PSG3: variants seen among roughly 807,000 people sequenced by gnomAD.
The protein encoded by PSG3 is pregnancy specific beta-1-glycoprotein 3.
Under a neutral mutation model 47.5 loss-of-function variants are expected in PSG3, and 61 were observed. That is an observed-to-expected ratio of 1.28 (90% confidence interval 1.05 to 1.59). PSG3 has a LOEUF of 1.59. Among genes scored for constraint, PSG3 ranks in the 40% most tolerant of loss-of-function variants. The pLI, the probability that PSG3 is intolerant of heterozygous loss-of-function variation, is 0.00. For synonymous variants in PSG3, 263 were observed against 198.4 expected, an observed-to-expected ratio of 1.33 and a Z score of -2.74; for missense variants, 756 against 524.0, an observed-to-expected ratio of 1.44 and a Z score of -4.32.
chr19:42,740,006 G>T (rs188541352), intron 1 of PSG3, among the ~76,000 whole-genome samples: 157 of 150,986 alleles, frequency 1.0e-3, no homozygotes, highest in African/African-American at 3.3e-3. Flanking sequence ...AGGCTGGCGT[G>T]CAGTGGCACT....
Position 42,732,815 on chromosome 19 carries a change from G to C in PSG3, c.678C>G (p.Ser226Arg). 6.2e-7 allele frequency: 1 copy of C among 1,614,186 alleles called. No individual in the cohort carries two copies. Among genetic ancestry groups the C allele is most frequent in the Middle Eastern group, 1.6e-4 (1 of 6,062 alleles). ...GATTCAGGGTGACTGGGTCACTGCG[G>C]CTGGCACTCACTGGGTTCCGTATTT... ...ECEIRNPVSA[S>R]RSDPVTLNLL... Residue 226 changes from serine (S) to arginine (R), a missense_variant, in exon 3 of 7, where the codon AGC becomes AGG. Coordinates refer to ENST00000327495, the MANE Select transcript of PSG3 (RefSeq NM_021016.4).
At chr19:42,739,168 G>C in intron 1 of PSG3, 79 bp from the exon 2 acceptor site, 1 of 1,490,236 alleles carries the variant, frequency 6.7e-7, no homozygotes, top group Non-Finnish European at 9.1e-7. Context: ...GTCCTGAGAA[G>C]GTCTCTTCAA....
At chr19:42,736,834 T>TGGCA (rs1206945036) in intron 2 of PSG3, among the ~76,000 whole-genome samples, 1 of 152,130 alleles carries the variant, frequency 6.6e-6, no homozygotes, top group Non-Finnish European at 1.5e-5. Flanking sequence ...AGAGGAAGCC[T>TGGCA]GGCAGGAGTG....
At position 42,729,779 on chromosome 19, in the gene PSG3, G is replaced by A. The variant is rs550682975; in HGVS notation, c.987C>T (p.Leu329=). 1.4e-5 allele frequency: 22 copies of A among 1,611,592 alleles called. No individual in the cohort carries two copies. The African/African-American group carries it at 1.7e-4, about 13-fold the overall frequency. ...CACAGAGGAACAAAAGATACTCACA[G>A]AGGACATTCAGGGTGACTGGGTAAC... ...IRSYPVTLNV[L]YGPDLPRIYP... The change falls in exon 4 of 7, where the codon CTC becomes CTT. Residue 329 remains leucine (L), a splice_region_variant and synonymous_variant. Coordinates refer to ENST00000327495, the MANE Select transcript of PSG3 (RefSeq NM_021016.4).
At chr19:42,732,569 G>C (rs1048698759) in intron 3 of PSG3, 59 of 1,156,784 alleles carry the variant, frequency 5.1e-5, no homozygotes, top group Middle Eastern at 2.9e-4. Flanking sequence ...AGCTGTGGAC[G>C]CTGAGTCTCC....
At position 42,740,453 on chromosome 19, in the gene PSG3, C is replaced by T; in HGVS notation, c.-69G>A. ...GGATCCAGAAACTTCCTGAGCATGG[C>T]TCTCAGCTGTGCTGTCCTTCCTCCT... On this transcript the variant is annotated 5_prime_UTR_variant, in exon 1 of 7. Transcript: ENST00000327495. The T allele has an allele frequency of 1.2e-6, 2 of 1,613,218 alleles. No individual in the cohort carries two copies. Among genetic ancestry groups the T allele is most frequent in the Non-Finnish European group, 8.5e-7 (1 of 1,179,604 alleles).
In PSG3 at chr19:42,739,058, G is replaced by A. The variant is rs777513870; in HGVS notation, c.96C>T (p.Thr32=). The part of the protein sequence containing the change: ...ALLLNFWNLP[T]TAQVTIEAEP... ...CGGCTTCAATCGTGACTTGGGCAGT[G>A]GTAGGCAAGTTCCAGAAGTTTAAAA... The change falls in exon 2 of 7, where the codon ACC becomes ACT. Residue 32 remains threonine, a synonymous_variant. Transcript: ENST00000327495. The A allele has an allele frequency of 1.2e-6, 2 of 1,610,028 alleles. No homozygotes were observed. Among genetic ancestry groups the A allele is most frequent in the Non-Finnish European group, 1.7e-6 (2 of 1,176,708 alleles).
In PSG3 at chr19:42,723,987, A is replaced by G; in HGVS notation, c.1282T>C (p.Leu428=). ...CAGAAATGACATCACGGCTGCTATA[A>G]TGGATTAAGGCCAGGAAGATGTCCT... is the stretch of plus-strand genomic sequence containing the variant. ...GTGHLPGLNP[L] is the part of the protein sequence containing the mutation. The change falls in exon 6 of 7, where the codon TTA becomes CTA. Residue 428 remains leucine, a synonymous_variant. Transcript: ENST00000327495. The G allele has an allele frequency of 6.2e-7, 1 of 1,610,842 alleles. No individual in the cohort carries two copies. Among genetic ancestry groups the G allele is most frequent in the Non-Finnish European group, 8.5e-7 (1 of 1,176,992 alleles).
intron 5 of PSG3, among the ~76,000 whole-genome samples, chr19:42,727,056 T>G (rs145443413): frequency 6.6e-6 from 1 of 152,190 alleles, no homozygotes; most frequent in Admixed American, 6.5e-5. Context: ...CCAAATGATA[T>G]TGGGAAAGGT....
chr19:42,726,955 A>C (rs1271795564), intron 5 of PSG3, among the ~76,000 whole-genome samples: 1 of 152,230 alleles, frequency 6.6e-6, no homozygotes, highest in Non-Finnish European at 1.5e-5. Flanking sequence ...AATGAAATAT[A>C]ATAACCCAGA....
chr19:42,735,295 C>T (rs1358187786), intron 2 of PSG3, among the ~76,000 whole-genome samples: 1 of 152,192 alleles, frequency 6.6e-6, no homozygotes, highest in Non-Finnish European at 1.5e-5. Flanking sequence ...GACATATCCT[C>T]AAGCTAGGGA....
At chr19:42,739,987 C>T (rs192040333) in intron 1 of PSG3, among the ~76,000 whole-genome samples, 3 of 150,684 alleles carry the variant, frequency 2.0e-5, no homozygotes, top group African/African-American at 4.9e-5. Flanking sequence ...GAGTCTTGTA[C>T]TGTCGCCCAG....
At chr19:42,726,435 T>C (rs1278947283) in intron 5 of PSG3, among the ~76,000 whole-genome samples, 2 of 152,218 alleles carry the variant, frequency 1.3e-5, no homozygotes, top group Admixed American at 1.3e-4. Flanking sequence ...ATAAATTCAG[T>C]AATGTTGCAC....
intron 5 of PSG3, among the ~76,000 whole-genome samples, chr19:42,724,502 G>A (rs149720486): frequency 1.2e-3 from 181 of 152,280 alleles, no homozygotes; most frequent in African/African-American, 4.2e-3. Context: ...CAGCAAGGGC[G>A]TGAAAGCAAG....
intron 2 of PSG3, among the ~76,000 whole-genome samples, chr19:42,737,453 G>A (rs529168958): frequency 3.3e-4 from 50 of 152,282 alleles, no homozygotes; most frequent in East Asian, 1.4e-3. Context: ...TGATCCTCTT[G>A]TGACAGTGAC....
rs369673369 is a variant in PSG3 at position 42,736,740 on chromosome 19, C to T, written c.430+1984G>A. On this transcript the variant is annotated intron_variant, in intron 2 of 6. Transcript: ENST00000327495. Reference sequence around the variant, plus strand: ...TATCCCTGTCCCATGGTCTTGTCCACAGGTCAGCCTCACAAAGGGAAAGAG... The same window carrying T: ...TATCCCTGTCCCATGGTCTTGTCCATAGGTCAGCCTCACAAAGGGAAAGAG... Among the ~76,000 whole-genome samples, 234 of 151,982 alleles carry T rather than the reference C, an allele frequency of 1.5e-3. 12 individuals are homozygous for T. In the South Asian group the frequency reaches 0.047, roughly 31 times the overall value.
chr19:42,728,719 G>A (rs1477103726), intron 5 of PSG3, among the ~76,000 whole-genome samples: 1 of 152,220 alleles, frequency 6.6e-6, no homozygotes, highest in Non-Finnish European at 1.5e-5. Flanking sequence ...AAAAGTGTCA[G>A]CTTGTTTCAA....
chr19:42,732,770 C>T lies in PSG3; in HGVS notation c.709+14G>A, dbSNP rs1237189249. ...GATGGCAGACTGGCTCACAGAGGAACAGGAGATACTCACGGAGGAGATTCA... is the reference window on the plus strand; with the variant it reads ...GATGGCAGACTGGCTCACAGAGGAATAGGAGATACTCACGGAGGAGATTCA... On this transcript the variant is annotated intron_variant, in intron 3 of 6. Transcript: ENST00000327495. The T allele has an allele frequency of 1.2e-6, 2 of 1,614,178 alleles. No homozygotes were observed. The highest frequency in any genetic ancestry group is 1.7e-6 in the Non-Finnish European group (2 of 1,180,026).
chr19:42,722,046 CTGTAGCTGATGGTAAATACT>C lies in PSG3; in HGVS notation c.*65_*84del, dbSNP rs1211683041. The stretch of plus-strand genomic sequence containing the variant: ...TCCTTGAACAAAAAGCAATTTTGGA[CTGTAGCTGATGGTAAATACT>C]TTGAGGAAGAATGAAAGCAACTGTC... On this transcript the variant is annotated 3_prime_UTR_variant, in exon 7 of 7. Coordinates refer to ENST00000327495, the MANE Select transcript of PSG3 (RefSeq NM_021016.4). 4.8e-6 allele frequency: 2 copies of C among 415,660 alleles called. No individual in the cohort carries two copies. Among genetic ancestry groups the C allele is most frequent in the African/African-American group, 4.1e-5 (2 of 48,674 alleles). 25.7% of individuals were successfully genotyped at this position (415,660 alleles called of 1,614,324 possible).
Sources: allele counts gnomAD v4.1 joint callset (sites outside exome capture counted in the v4.1 genomes callset), GRCh38; gene constraint gnomAD v4.1.1; transcripts MANE v1.5; gene names NCBI Gene and HGNC (gene_info 2026-07-23, HGNC 2026-07-21).